The following ZNF76 variants were observed in gnomAD, a reference collection of about 807,000 sequenced individuals.
ZNF76 encodes the protein zinc finger protein 523.
A neutral mutation model predicts 66.9 loss-of-function variants in ZNF76; 66 were observed. The ratio of observed to expected loss-of-function variants is 0.99; its 90% CI spans 0.81 to 1.21. The LOEUF (loss-of-function observed/expected upper bound fraction) is 1.21. Ranked by LOEUF, ZNF76 falls within the 50% of genes most tolerant of loss-of-function variation. The probability of loss-of-function intolerance (pLI) is 0.00; values close to 1 mark genes in which losing one functional copy is unlikely to be tolerated. For missense variants in ZNF76, 729 were observed against 760.3 expected, an observed-to-expected ratio of 0.96 and a Z score of 0.48; for synonymous variants, 275 against 296.1, an observed-to-expected ratio of 0.93 and a Z score of 0.73.
chr6:35,290,238 T>C, intron 5 of ZNF76, 28 bp from the exon 6 acceptor site: 4 of 1,613,562 alleles, frequency 2.5e-6, no homozygotes, highest in Non-Finnish European at 3.4e-6. Flanking sequence ...GGAGAATACA[T>C]ATAGGGATCT....
chr6:35,267,589 G>GT (rs1562088278), intron 1 of ZNF76, among the ~76,000 whole-genome samples: 1 of 152,242 alleles, frequency 6.6e-6, no homozygotes, highest in African/African-American at 2.4e-5. Context: ...GTAATACCCA[G>GT]TGAGTGCCTG....
chr6:35,287,946 A>G lies in ZNF76; in HGVS notation c.432+101A>G. 7.4e-7 allele frequency: 1 copy of G among 1,357,404 alleles called. No individual in the cohort carries two copies. Among genetic ancestry groups the G allele is most frequent in the South Asian group, 1.2e-5 (1 of 80,096 alleles). The allele number at this position is 1,357,404 out of a possible 1,614,324, so 84.1% of individuals were successfully genotyped here. A position where few individuals can be genotyped will look rare whatever the true frequency, so the allele number is the denominator to read the frequency against. ...CCAGAACTTCACCTCTCAAGAGGAC[A>G]AGGGCAGCCCTGTGCTTGGGCACCA... On this transcript the variant is annotated intron_variant, in intron 5 of 13. Coordinates refer to ENST00000373953, the MANE Select transcript of ZNF76 (RefSeq NM_003427.5). This position sits in a 1 kb window ranked among gnomAD's most constrained non-coding sequence, Gnocchi z 4.0.
rs763236672 is a variant in ZNF76, at chr6:35,290,340, C to T, written c.507C>T (p.Tyr169=). 2 of 1,614,212 alleles carry T rather than the reference C, an allele frequency of 1.2e-6. No homozygotes were observed. Among genetic ancestry groups the T allele is most frequent in the Admixed American group, 3.3e-5 (2 of 60,020 alleles). The change falls in exon 6 of 14, where the codon TAC becomes TAT. Residue 169 remains tyrosine, a synonymous_variant. Transcript: ENST00000373953. ...QVGDRAFRCG[Y]KGCGRLYTTA... ...GAGACAGAGCATTCCGCTGTGGCTACAAGGGCTGTGGGCGTCTCTACACCA... is the reference window on the plus strand; with the variant it reads ...GAGACAGAGCATTCCGCTGTGGCTATAAGGGCTGTGGGCGTCTCTACACCA...
intron 7 of ZNF76, 145 bp from the exon 8 acceptor site, chr6:35,291,133 G>A: frequency 1.8e-6 from 2 of 1,098,824 alleles, no homozygotes; most frequent in East Asian, 2.6e-5. Flanking sequence ...GGCTTTTCCA[G>A]CCCCTGCCCA....
rs1791041587 is a variant in ZNF76 at position 35,295,310 on chromosome 6, C to T, written c.*62C>T. The T allele has an allele frequency of 7.2e-7, 1 of 1,384,450 alleles. No individual in the cohort carries two copies. Among genetic ancestry groups the T allele is most frequent in the Non-Finnish European group, 1.0e-6 (1 of 1,001,918 alleles). The allele number at this position is 1,384,450 out of a possible 1,614,324, so 85.8% of individuals were successfully genotyped here. On this transcript the variant is annotated 3_prime_UTR_variant, in exon 14 of 14. Transcript: ENST00000373953. ...AGTGCCATCTGCATGGCCACTCTTG[C>T]CCCCAAGGGCCCAGGCTGTGGCTGA...
intron 1 of ZNF76, among the ~76,000 whole-genome samples, chr6:35,276,018 C>T (rs1311244643): frequency 6.6e-6 from 1 of 152,122 alleles, no homozygotes; most frequent in African/African-American, 2.4e-5. Flanking sequence ...ATTCTGGCTT[C>T]AACACATAGT....
rs555930429 is a variant in ZNF76 at position 35,292,798 on chromosome 6, T to C, written c.1165+11T>C. 2 of 1,613,374 alleles carry C rather than the reference T, an allele frequency of 1.2e-6. No individual in the cohort carries two copies. The highest frequency in any genetic ancestry group is 1.7e-5 in the Admixed American group (1 of 59,960). On this transcript the variant is annotated intron_variant, in intron 10 of 13. Coordinates refer to ENST00000373953, the MANE Select transcript of ZNF76 (RefSeq NM_003427.5). This position sits in a 1 kb window ranked among gnomAD's most constrained non-coding sequence, Gnocchi z 4.7. ...AGCAGCAACTTGAGGGTAAGGGGAG[T>C]GGGCAGAGGGTGAGAGTGGGGACAA...
intron 1 of ZNF76, among the ~76,000 whole-genome samples, chr6:35,264,669 A>G (rs185315537): frequency 2.7e-4 from 41 of 152,320 alleles, no homozygotes; most frequent in Non-Finnish European, 4.7e-4. Flanking sequence ...CAAATGAGCT[A>G]CTGTTTCTGA....
At chr6:35,290,405 G>A (rs558886664) in intron 6 of ZNF76, 23 bp downstream of exon 6, 82 of 1,612,488 alleles carry the variant, frequency 5.1e-5, no homozygotes, top group East Asian at 4.0e-4. Context: ...GCAGACAGCC[G>A]TCAGCTCTGC....
intron 1 of ZNF76, among the ~76,000 whole-genome samples, chr6:35,272,469 CTGTGTGTGTGTGTGTGTGTG>C (rs58456911): frequency 0.098 from 14,619 of 149,592 alleles, 774 homozygotes; most frequent in Non-Finnish European, 0.12. Flanking sequence ...GACCCTGTTT[CTGTGTGTGTGTGTGTGTGTG>C]TGTGTGTGTG....
chr6:35,294,764 C>T, intron 13 of ZNF76, 195 bp downstream of exon 13: 1 of 633,566 alleles, frequency 1.6e-6, no homozygotes. Context: ...ATGTTGAAGC[C>T]TCTTCTGGCC....
At chr6:35,260,784 A>G (rs1785135112) in intron 1 of ZNF76, among the ~76,000 whole-genome samples, 2 of 152,226 alleles carry the variant, frequency 1.3e-5, no homozygotes, top group South Asian at 4.1e-4. Flanking sequence ...CCGTCTGTGA[A>G]ATTGTGAAAT....
At chr6:35,265,506 CAAA>C (rs527326739) in intron 1 of ZNF76, among the ~76,000 whole-genome samples, 8 of 68,548 alleles carry the variant, frequency 1.2e-4, no homozygotes, top group Admixed American at 3.3e-4. Context: ...GACTCTGTCT[CAAA>C]AAAAAAAAAA....
chr6:35,273,166 C>A (rs1260968690), intron 1 of ZNF76, among the ~76,000 whole-genome samples: 2 of 143,152 alleles, frequency 1.4e-5, no homozygotes, highest in African/African-American at 5.2e-5. Context: ...AGAAAAAAAA[C>A]AAAAAACAAA....
chr6:35,280,025 C>T (rs1265863629), intron 1 of ZNF76, among the ~76,000 whole-genome samples: 1 of 147,928 alleles, frequency 6.8e-6, no homozygotes. Flanking sequence ...GAGACAATGT[C>T]TTGCTGTGTT....
chr6:35,281,175 G>A lies in ZNF76; in HGVS notation c.24G>A (p.Thr8=), dbSNP rs1169830945. Residue 8 remains threonine, a synonymous_variant, in exon 2 of 14, where the codon ACG becomes ACA. Coordinates refer to ENST00000373953, the MANE Select transcript of ZNF76 (RefSeq NM_003427.5). ...CCATGGAGAGCTTGGGGCTGCACAC[G>A]GTGACCCTTAGTGATGGGACAACAG... The part of the protein sequence containing the change: MESLGLH[T]VTLSDGTTAY... 1.9e-5 allele frequency: 31 copies of A among 1,613,844 alleles called. No individual in the cohort carries two copies. Among genetic ancestry groups the A allele is most frequent in the South Asian group, 4.4e-5 (4 of 91,084 alleles).
chr6:35,291,178 T>C (rs1485929870), intron 7 of ZNF76, 100 bp from the exon 8 acceptor site: 2 of 1,487,946 alleles, frequency 1.3e-6, no homozygotes, highest in Non-Finnish European at 9.0e-7. Context: ...CATGGGCTTC[T>C]TGAGCCAAAG....
At chr6:35,265,401 G>A (rs1785855766) in intron 1 of ZNF76, among the ~76,000 whole-genome samples, 1 of 151,954 alleles carries the variant, frequency 6.6e-6, no homozygotes, top group African/African-American at 2.4e-5. Flanking sequence ...CAGCTACTCG[G>A]GAGGCTGAGG....
intron 1 of ZNF76, among the ~76,000 whole-genome samples, chr6:35,271,169 C>G (rs1786998641): frequency 6.6e-6 from 1 of 152,196 alleles, no homozygotes. Context: ...CATAGATAAC[C>G]TTGGACATGT....
Sources: allele counts gnomAD v4.1 joint callset (sites outside exome capture counted in the v4.1 genomes callset), GRCh38; gene constraint gnomAD v4.1.1; non-coding constraint Gnocchi (gnomAD v3.1); transcripts MANE v1.5; gene names NCBI Gene and HGNC (gene_info 2026-07-23, HGNC 2026-07-21).